CHIA: variants seen among roughly 807,000 people sequenced by gnomAD.
The protein encoded by CHIA is chitinase acidic.
A neutral mutation model predicts 53.5 loss-of-function variants in CHIA; 47 were observed. The ratio of observed to expected loss-of-function variants is 0.88; its 90% CI spans 0.70 to 1.12. The LOEUF is 1.12. CHIA is among the 50% of genes most tolerant of loss of function. CHIA has a pLI of 0.00. For missense variants in CHIA, 652 were observed against 592.2 expected (o/e 1.10, Z -1.05); for synonymous variants, 268 against 222.2 (o/e 1.21, Z -1.83).
chr1:111,306,792 C>T (rs896114264), intron 1 of CHIA, among the ~76,000 whole-genome samples: 2 of 152,064 alleles, frequency 1.3e-5, no homozygotes, highest in African/African-American at 2.4e-5. Context: ...GCAAAAGATA[C>T]AAGCAGGCAT....
At chr1:111,296,625 G>A (rs1366506714) in intron 1 of CHIA, among the ~76,000 whole-genome samples, 3 of 152,196 alleles carry the variant, frequency 2.0e-5, no homozygotes, top group African/African-American at 7.2e-5. Flanking sequence ...ATAAAACAGA[G>A]CAGAAAAGCT....
intron 5 of CHIA, chr1:111,314,975 G>A: frequency 4.8e-6 from 2 of 418,986 alleles, no homozygotes; most frequent in East Asian, 4.3e-5. Context: ...TTCTTGGAGG[G>A]TACATGTTTG....
chr1:111,290,987 CT>C, intron 1 of CHIA, 37 bp downstream of exon 1: 2 of 384,972 alleles, frequency 5.2e-6, no homozygotes, highest in Admixed American at 3.7e-5. Flanking sequence ...TCCCTTCTCC[CT>C]TTCCCATTGC....
intron 2 of CHIA, 74 bp from the exon 3 acceptor site, chr1:111,311,615 A>G (rs1309166115): frequency 6.5e-7 from 1 of 1,546,016 alleles, no homozygotes; most frequent in Non-Finnish European, 8.9e-7. Flanking sequence ...TTGGAAGGCA[A>G]TCAATCCTTC....
At chr1:111,319,961 A>AT (rs952391857) in intron 11 of CHIA, among the ~76,000 whole-genome samples, 3 of 151,870 alleles carry the variant, frequency 2.0e-5, no homozygotes, top group Non-Finnish European at 4.4e-5. Flanking sequence ...TGGTTAGTAA[A>AT]TTTTTTTTTG....
chr1:111,312,462 A>G, intron 4 of CHIA, 71 bp downstream of exon 4: 1 of 1,249,438 alleles, frequency 8.0e-7, no homozygotes. Context: ...GCTTCTTAAA[A>G]TGTAGTTCAG....
At chr1:111,310,378 G>C in intron 1 of CHIA, 22 bp from the exon 2 acceptor site, 6 of 1,600,772 alleles carry the variant, frequency 3.7e-6, no homozygotes, top group Non-Finnish European at 5.1e-6. Context: ...TACACATCTG[G>C]GTCAAATTGT....
Position 111,312,209 on chromosome 1 carries a change from A to T in CHIA, c.75A>T (p.Thr25=), listed in dbSNP as rs1289523833. 6.2e-7 allele frequency: 1 copy of T among 1,614,064 alleles called. No individual in the cohort carries two copies. The highest frequency in any genetic ancestry group is 1.7e-5 in the Admixed American group (1 of 60,024). Residue 25 remains threonine (T), a synonymous_variant, in exon 4 of 12, where the codon ACA becomes ACT. Transcript: ENST00000369740. ...NLQLGSAYQL[T]CYFTNWAQYR... is the part of the protein sequence containing the mutation. ...ACACAGGCTCTGCCTACCAGCTGAC[A>T]TGCTACTTCACCAACTGGGCCCAGT... is the stretch of plus-strand genomic sequence containing the variant.
chr1:111,309,259 C>G (rs550041128), intron 1 of CHIA, among the ~76,000 whole-genome samples: 1 of 152,176 alleles, frequency 6.6e-6, no homozygotes, highest in African/African-American at 2.4e-5. Flanking sequence ...CTTAACCTAC[C>G]AATCACAGGA....
At position 111,320,202 on chromosome 1, in the gene CHIA, G is replaced by GT; in HGVS notation, c.1178-10dup. The GT allele has an allele frequency of 1.9e-6, 3 of 1,611,702 alleles. No homozygotes were observed. The highest frequency in any genetic ancestry group is 2.5e-6 in the Non-Finnish European group (3 of 1,178,728). On this transcript the variant is annotated splice_polypyrimidine_tract_variant and intron_variant, in intron 11 of 11. Transcript: ENST00000369740. ...AGCCCACTAGTCTGCTCTTACTGCTGTATGTTTCAGGTTGCACGGCTCCAG... is the reference window on the plus strand; with the variant it reads ...AGCCCACTAGTCTGCTCTTACTGCTGTTATGTTTCAGGTTGCACGGCTCCAG...
rs551604551 is a variant in CHIA at position 111,293,105 on chromosome 1, G to A, written c.-69+2155G>A. ...AGTTATTTTGGGTATACCTAGAAGC[G>A]GAATTGCTGGATCATATGGTAATTC... On this transcript the variant is annotated intron_variant, in intron 1 of 11. Coordinates refer to ENST00000369740, the MANE Select transcript of CHIA (RefSeq NM_201653.4). 6.8e-4 allele frequency among the ~76,000 whole-genome samples: 104 copies of A among 152,192 alleles called. 1 individual carries two copies. Among genetic ancestry groups the A allele is most frequent in the African/African-American group, 1.1e-3 (45 of 41,522 alleles).
chr1:111,303,981 T>C (rs12751372), intron 1 of CHIA, among the ~76,000 whole-genome samples: 42,317 of 152,042 alleles, frequency 0.28, 6,172 homozygotes, highest in East Asian at 0.36. Context: ...ATGTTATCCC[T>C]TGTTTTGAAG....
intron 1 of CHIA, among the ~76,000 whole-genome samples, chr1:111,297,901 CAAAAAAA>C (rs1188512345): frequency 9.4e-5 from 3 of 31,854 alleles, no homozygotes; most frequent in East Asian, 1.6e-3. Context: ...AAATGGAAAG[CAAAAAAA>C]AAAAAAAAAA....
chr1:111,310,254 T>A, intron 1 of CHIA, 146 bp from the exon 2 acceptor site: 1 of 948,690 alleles, frequency 1.1e-6, no homozygotes, highest in Non-Finnish European at 1.5e-6. Flanking sequence ...ATGACATTGT[T>A]CTGTCCTTGT....
intron 1 of CHIA, among the ~76,000 whole-genome samples, chr1:111,308,172 G>A (rs1648348732): frequency 6.6e-6 from 1 of 152,160 alleles, no homozygotes; most frequent in African/African-American, 2.4e-5. Context: ...AAAAAGAAAT[G>A]TTTAATCTGT....
In CHIA at chr1:111,312,290, C is replaced by T. The variant is rs772997390; in HGVS notation, c.156C>T (p.Thr52=). 5.6e-6 allele frequency: 9 copies of T among 1,613,924 alleles called. No individual in the cohort carries two copies. The highest frequency in any genetic ancestry group is 5.3e-5 in the African/African-American group (4 of 74,880). ...ACAACATCGACCCCTGCCTCTGTAC[C>T]CACCTGATCTACGCCTTTGCTGGGA... is the stretch of plus-strand genomic sequence containing the variant. ...MPDNIDPCLC[T]HLIYAFAGRQ... Residue 52 remains threonine, a synonymous_variant, in exon 4 of 12, where the codon ACC becomes ACT. Transcript: ENST00000369740.
intron 1 of CHIA, among the ~76,000 whole-genome samples, chr1:111,299,177 C>T (rs1031135583): frequency 6.6e-5 from 10 of 152,154 alleles, no homozygotes; most frequent in Admixed American, 2.0e-4. Context: ...TAGCTGGTAC[C>T]ATTCCTTCTG....
chr1:111,298,763 C>T (rs1169139279), intron 1 of CHIA, among the ~76,000 whole-genome samples: 1 of 152,060 alleles, frequency 6.6e-6, no homozygotes, highest in Non-Finnish European at 1.5e-5. Flanking sequence ...GAGACAGAGA[C>T]ACAAAAAACC....
chr1:111,317,414 AC>A, intron 6 of CHIA: 1 of 349,598 alleles, frequency 2.9e-6, no homozygotes, highest in Non-Finnish European at 5.4e-6. Context: ...GTCATCTGGG[AC>A]CTGGGTTTTG....
Sources: gnomAD v4.1 joint callset for allele counts (sites outside exome capture counted in the v4.1 genomes callset) on GRCh38, gnomAD v4.1.1 for gene constraint, MANE v1.5 for transcripts, NCBI Gene and HGNC (gene_info 2026-07-23, HGNC 2026-07-21) for gene names.